Variants in AIG1 observed in about 807,000 individuals in gnomAD.
The protein encoded by AIG1 is androgen-induced gene 1 protein.
In AIG1, 23 loss-of-function variants were observed where a neutral mutation model predicts 31.4. The observed-to-expected ratio is 0.73, with a 90% CI of 0.53 to 1.04. The LOEUF is 1.04. Ranked by LOEUF, AIG1 falls within the 50% of genes least tolerant of loss-of-function variation. The probability of loss-of-function intolerance (pLI) is 0.00; values close to 1 mark genes in which losing one functional copy is unlikely to be tolerated. For synonymous variants in AIG1, 100 were observed against 110.5 expected, an observed-to-expected ratio of 0.90 and a Z score of 0.60; for missense variants, 274 against 295.0, an observed-to-expected ratio of 0.93 and a Z score of 0.52.
At chr6:143,111,479 A>G (rs748691844) in intron 1 of AIG1, among the ~76,000 whole-genome samples, 25 of 152,022 alleles carry the variant, frequency 1.6e-4, no homozygotes, top group Non-Finnish European at 2.5e-4. Flanking sequence ...TCATTCCACA[A>G]ATGTTGTTAT....
intron 3 of AIG1, chr6:143,189,440 T>C (rs1236316600): frequency 1.0e-6 from 1 of 982,184 alleles, no homozygotes; most frequent in African/African-American, 1.7e-5. Context: ...TGCAAAATAG[T>C]TTTTTAATAC....
chr6:143,114,228 T>G lies in AIG1; in HGVS notation c.142-22607T>G, dbSNP rs73777875. On this transcript the variant is annotated intron_variant, in intron 1 of 5. Transcript: ENST00000357847. ...CTGAGCTTTCAAAACACATATCTGTTTTCAAAAATCTTGTACAGGTGAAAT... is the reference window on the plus strand; with the variant it reads ...CTGAGCTTTCAAAACACATATCTGTGTTCAAAAATCTTGTACAGGTGAAAT... 2.9e-3 allele frequency among the ~76,000 whole-genome samples: 446 copies of G among 152,344 alleles called. 5 individuals carry two copies. The highest frequency in any genetic ancestry group is 0.01 in the African/African-American group (431 of 41,586).
Position 143,061,021 on chromosome 6 carries a change from C to G in AIG1, c.96C>G (p.His32Gln). Residue 32 changes from histidine to glutamine, a missense_variant, in exon 1 of 6, where the codon CAC (histidine) becomes CAG (glutamine). By Grantham distance (24) the His-to-Gln change is conservative. Transcript: ENST00000357847. ...CNYKAIEMPS[H>Q]QTYGGSWKFL... ...ACAAGGCCATCGAAATGCCCTCACA[C>G]CAGACCTACGGAGGGAGCTGGAAAT... The G allele has an allele frequency of 6.2e-7, 1 of 1,613,658 alleles. No homozygotes were observed.
In AIG1 at chr6:143,258,973, A is replaced by T. The variant is rs1037468029; in HGVS notation, c.400-25137A>T. ...AGAGGTCAACAGAGACCTTGGCAAA[A>T]CCATTTCCAGCAGATGATGGGGGCA... On this transcript the variant is annotated intron_variant, in intron 3 of 5. Transcript: ENST00000357847. This position sits in a 1 kb window ranked among gnomAD's most constrained non-coding sequence, Gnocchi z 4.7. Among the ~76,000 whole-genome samples the T allele has an allele frequency of 6.6e-6, 1 of 152,176 alleles. No individual in the cohort carries two copies. Among genetic ancestry groups the T allele is most frequent in the African/African-American group, 2.4e-5 (1 of 41,434 alleles).
downstream of AIG1, among the ~76,000 whole-genome samples, chr6:143,341,252 C>T (rs776283664): frequency 4.6e-5 from 7 of 152,144 alleles, no homozygotes; most frequent in Non-Finnish European, 1.0e-4. Context: ...CACAGCAATA[C>T]CACATCCTTG....
At position 143,190,010 on chromosome 6, in the gene AIG1, G is replaced by T. The variant is rs9390064; in HGVS notation, c.399+24827G>T. ...CTTCTTGCTGTGTCCTCACATGGTG[G>T]AAGGAACAAGTAATCTCTCTGGAGC... On this transcript the variant is annotated intron_variant, in intron 3 of 5. Coordinates refer to ENST00000357847, the MANE Select transcript of AIG1 (RefSeq NM_016108.4). 694 of 457,974 alleles carry T rather than the reference G, an allele frequency of 1.5e-3. 12 individuals carry two copies. The East Asian group carries it at 0.063, about 42-fold the overall frequency. 28.4% of individuals were successfully genotyped at this position (457,974 alleles called of 1,614,324 possible).
Position 143,325,314 on chromosome 6 carries a change from A to AAGT in AIG1, c.516-7968_516-7967insAGT, listed in dbSNP as rs1447524902. Among the ~76,000 whole-genome samples the AAGT allele has an allele frequency of 5.3e-5, 8 of 152,140 alleles. No individual in the cohort carries two copies. Among genetic ancestry groups the AAGT allele is most frequent in the African/African-American group, 1.7e-4 (7 of 41,402 alleles). On this transcript the variant is annotated intron_variant, in intron 4 of 5. Transcript: ENST00000357847. This position sits in a 1 kb window ranked among gnomAD's most constrained non-coding sequence, Gnocchi z 4.3. ...GCCCTTTCATGGGCCCACTTCCTTC[A>AAGT]GACCCTGTACTCTTCCTGGGTCTCA... is the stretch of plus-strand genomic sequence containing the variant.
In AIG1 at chr6:143,273,717, G is replaced by A. The variant is rs532264413; in HGVS notation, c.400-10393G>A. 6.6e-5 allele frequency among the ~76,000 whole-genome samples: 10 copies of A among 152,248 alleles called. No individual in the cohort carries two copies. In the East Asian group the frequency reaches 1.5e-3, roughly 24 times the overall value. On this transcript the variant is annotated intron_variant, in intron 3 of 5. Coordinates refer to ENST00000357847, the MANE Select transcript of AIG1 (RefSeq NM_016108.4). Reference sequence around the variant, plus strand: ...AGAGCATGAGAGCCAAGCAAAAGGGGAAACCCCTTATAAAACCATCAGATC... The same window carrying A: ...AGAGCATGAGAGCCAAGCAAAAGGGAAAACCCCTTATAAAACCATCAGATC...
intron 1 of AIG1, among the ~76,000 whole-genome samples, chr6:143,124,835 A>C (rs1208627587): frequency 1.3e-5 from 2 of 152,108 alleles, no homozygotes; most frequent in African/African-American, 4.8e-5. Context: ...TCACTATCAC[A>C]AGAACAGCAT....
At position 143,060,939 on chromosome 6, in the gene AIG1, C is replaced by T. The variant is rs1776183100; in HGVS notation, c.14C>T (p.Pro5Leu). ...CCTCTGGCGAACATGGCGCTTGTCC[C>T]CTGCCAGGTGCTGCGGATGGCAATC... Reference protein sequence around the residue: MALVPCQVLRMAILL... With the variant: MALVLCQVLRMAILL... The change falls in exon 1 of 6, where the codon CCC becomes CTC. Residue 5 changes from proline (P) to leucine (L), a missense_variant. Physicochemically the swap from Pro to Leu is moderately conservative, Grantham distance 98. Transcript: ENST00000357847. The T allele has an allele frequency of 1.2e-6, 2 of 1,610,704 alleles. No homozygotes were observed. Among genetic ancestry groups the T allele is most frequent in the African/African-American group, 1.3e-5 (1 of 74,826 alleles).
intron 3 of AIG1, among the ~76,000 whole-genome samples, chr6:143,182,345 T>C (rs971975450): frequency 3.3e-5 from 5 of 152,188 alleles, no homozygotes; most frequent in South Asian, 2.1e-4. Flanking sequence ...TTTTTCTCTT[T>C]AGTGCCTGGT....
At chr6:143,227,707 G>A (rs576381855) in intron 3 of AIG1, among the ~76,000 whole-genome samples, 3 of 152,152 alleles carry the variant, frequency 2.0e-5, no homozygotes, top group East Asian at 3.9e-4. Flanking sequence ...ATGCAAAAAC[G>A]AAGATTTAGT....
intron 1 of AIG1, among the ~76,000 whole-genome samples, chr6:143,079,779 C>CTTTTTT (rs78637706): frequency 2.6e-4 from 28 of 106,946 alleles, no homozygotes; most frequent in Non-Finnish European, 4.0e-4. Context: ...GGATAGATTC[C>CTTTTTT]TTTTTTTTTT....
intron 4 of AIG1, among the ~76,000 whole-genome samples, chr6:143,317,638 C>T (rs550868370): frequency 3.3e-5 from 5 of 151,972 alleles, no homozygotes; most frequent in Non-Finnish European, 5.9e-5. Context: ...CAACATAATA[C>T]TGGAAGTCCT....
intron 3 of AIG1, among the ~76,000 whole-genome samples, chr6:143,248,983 A>G (rs916204927): frequency 6.6e-6 from 1 of 152,166 alleles, no homozygotes; most frequent in Non-Finnish European, 1.5e-5. Context: ...GAAATGACCA[A>G]CCCCCACTTA....
chr6:143,129,550 G>T (rs574285947), intron 1 of AIG1, among the ~76,000 whole-genome samples: 8 of 152,132 alleles, frequency 5.3e-5, no homozygotes, highest in Non-Finnish European at 1.2e-4. Flanking sequence ...GACTTCATTT[G>T]TACATACTGT....
intron 2 of AIG1, among the ~76,000 whole-genome samples, chr6:143,153,957 GA>G (rs767706338): frequency 2.0e-5 from 3 of 151,268 alleles, no homozygotes; most frequent in Admixed American, 6.6e-5. Context: ...AATGTTTAGA[GA>G]GGTTGAAAGT....
intron 3 of AIG1, among the ~76,000 whole-genome samples, chr6:143,276,458 A>T (rs1204703031): frequency 1.3e-5 from 2 of 152,170 alleles, no homozygotes; most frequent in Non-Finnish European, 2.9e-5. Context: ...CTGGTGTAAG[A>T]GCATCTCAGC....
At chr6:143,232,433 G>A (rs1388608437) in intron 3 of AIG1, among the ~76,000 whole-genome samples, 1 of 152,158 alleles carries the variant, frequency 6.6e-6, no homozygotes, top group South Asian at 2.1e-4. Flanking sequence ...AAACCATGGT[G>A]CACAGGCAGT....
Sources: gnomAD v4.1 joint callset for allele counts (sites outside exome capture counted in the v4.1 genomes callset) on GRCh38, gnomAD v4.1.1 for gene constraint, Gnocchi (gnomAD v3.1) non-coding constraint, MANE v1.5 for transcripts, NCBI Gene and HGNC (gene_info 2026-07-23, HGNC 2026-07-21) for gene names.